The following LHX8 variants were observed in gnomAD, a reference collection of about 807,000 sequenced individuals.
LHX8 encodes LIM homeobox 8, also known as LIM/homeobox protein Lhx8.
LHX8 carries 12 observed loss-of-function variants against 40.3 expected under a neutral mutation model. The observed-to-expected ratio is 0.30, with a 90% CI of 0.19 to 0.48. The LOEUF is 0.48. LHX8 is among the 20% of genes least tolerant of loss of function. The probability of loss-of-function intolerance (pLI) is 0.99; values close to 1 mark genes in which losing one functional copy is unlikely to be tolerated. For synonymous variants in LHX8, 179 were observed against 162.0 expected (o/e 1.10, Z -0.80); for missense variants, 344 against 433.7 (o/e 0.79, Z 1.84).
At chr1:75,145,369 A>G (rs1648433619) in intron 6 of LHX8, among the ~76,000 whole-genome samples, 1 of 152,168 alleles carries the variant, frequency 6.6e-6, no homozygotes, top group Admixed American at 6.5e-5. Context: ...AATTTTAATA[A>G]TTACAAGGTT....
intron 6 of LHX8, among the ~76,000 whole-genome samples, chr1:75,146,474 A>G (rs937170296): frequency 6.6e-6 from 1 of 152,182 alleles, no homozygotes; most frequent in Non-Finnish European, 1.5e-5. Context: ...GATTATTAAT[A>G]TTAAACACGC....
chr1:75,155,118 C>T (rs1648719573), intron 7 of LHX8, among the ~76,000 whole-genome samples: 1 of 151,958 alleles, frequency 6.6e-6, no homozygotes, highest in African/African-American at 2.4e-5. Flanking sequence ...TCCCTGATCC[C>T]AAAATGTTCT....
chr1:75,168,522 T>C, the LHX8 span, among the ~76,000 whole-genome samples: 3 of 152,190 alleles, frequency 2.0e-5, no homozygotes, highest in Non-Finnish European at 4.4e-5. Context: ...CCACTGCACC[T>C]GGCCTGGTCA....
chr1:75,154,444 G>T (rs1349072929), intron 7 of LHX8, among the ~76,000 whole-genome samples: 3 of 150,210 alleles, frequency 2.0e-5, no homozygotes, highest in Admixed American at 2.0e-4. Flanking sequence ...AACTGCATAG[G>T]TTCCATTCAA....
chr1:75,148,275 A>G (rs1648516707), intron 6 of LHX8, among the ~76,000 whole-genome samples: 1 of 152,236 alleles, frequency 6.6e-6, no homozygotes, highest in Non-Finnish European at 1.5e-5. Context: ...AAAACAATAA[A>G]TGAAACTCTT....
the LHX8 span, among the ~76,000 whole-genome samples, chr1:75,168,073 G>A: frequency 6.6e-6 from 1 of 152,132 alleles, no homozygotes; most frequent in African/African-American, 2.4e-5. Flanking sequence ...CTCTCGAATG[G>A]CTCCTCCCAT....
chr1:75,182,608 G>T, the LHX8 span, among the ~76,000 whole-genome samples: 2 of 152,000 alleles, frequency 1.3e-5, no homozygotes. Flanking sequence ...CCCAACCTCA[G>T]GTAATCTGCC....
chr1:75,153,208 C>A (rs1226022353), intron 7 of LHX8, among the ~76,000 whole-genome samples: 1 of 151,988 alleles, frequency 6.6e-6, no homozygotes, highest in Non-Finnish European at 1.5e-5. Context: ...CGGACTCAAG[C>A]GATTCTCCTG....
chr1:75,175,642 T>C, the LHX8 span, among the ~76,000 whole-genome samples: 1 of 151,554 alleles, frequency 6.6e-6, no homozygotes, highest in Non-Finnish European at 1.5e-5. Context: ...AGCCCACTTT[T>C]TGATGGGATT....
chr1:75,151,692 G>A (rs765202655), intron 7 of LHX8, among the ~76,000 whole-genome samples: 4 of 152,124 alleles, frequency 2.6e-5, no homozygotes, highest in Admixed American at 6.6e-5. Context: ...CCGACTCCAC[G>A]GGCTAAAAGT....
upstream of LHX8, chr1:75,131,824 C>T (rs1011697751): frequency 2.6e-5 from 4 of 152,216 alleles, no homozygotes; most frequent in African/African-American, 9.7e-5. Context: ...CTGTCTTTCC[C>T]ATGGGCTTGC....
downstream of LHX8, among the ~76,000 whole-genome samples, chr1:75,162,650 A>G (rs960069673): frequency 5.0e-4 from 76 of 152,194 alleles, no homozygotes; most frequent in Admixed American, 7.9e-4. Flanking sequence ...ACTTCCTAAC[A>G]AAGAGGCTCA....
Position 75,148,687 on chromosome 1 carries a change from T to C in LHX8, c.780+5T>C. On this transcript the variant is annotated splice_donor_5th_base_variant and intron_variant, in intron 7 of 8. Coordinates refer to ENST00000356261, the MANE Select transcript of LHX8 (RefSeq NM_001256114.2). Reference sequence around the variant, plus strand: ...TTGAGCAGACGTGTGATACAGGTGATTACTTTACTTTTTTTTTTTTTTAAG... The same window carrying C: ...TTGAGCAGACGTGTGATACAGGTGACTACTTTACTTTTTTTTTTTTTTAAG... 1 of 1,580,824 alleles carries C rather than the reference T, an allele frequency of 6.3e-7. No individual in the cohort carries two copies. The highest frequency in any genetic ancestry group is 8.6e-7 in the Non-Finnish European group (1 of 1,163,948).
chr1:75,182,239 C>T, the LHX8 span, among the ~76,000 whole-genome samples: 1 of 152,132 alleles, frequency 6.6e-6, no homozygotes, highest in Non-Finnish European at 1.5e-5. Flanking sequence ...ATCCCAGCAC[C>T]ATTTGTTGAA....
chr1:75,130,405 C>G, upstream of LHX8: 1 of 517,880 alleles, frequency 1.9e-6, no homozygotes. Flanking sequence ...CGCATCAGAC[C>G]GCAGTGAGGA....
chr1:75,136,972 A>G, intron 2 of LHX8, 128 bp from the exon 3 acceptor site: 1 of 1,023,686 alleles, frequency 9.8e-7, no homozygotes, highest in South Asian at 1.8e-5. Context: ...CGTGACCTCA[A>G]GAAGCTGGGG....
At chr1:75,175,926 G>A in the LHX8 span, among the ~76,000 whole-genome samples, 2 of 152,022 alleles carry the variant, frequency 1.3e-5, no homozygotes, top group Non-Finnish European at 2.9e-5. Context: ...GCAGTGTTTG[G>A]CTTTCTGTCC....
intron 3 of LHX8, among the ~76,000 whole-genome samples, chr1:75,137,608 A>G (rs1204697973): frequency 6.6e-6 from 1 of 152,104 alleles, no homozygotes; most frequent in African/African-American, 2.4e-5. Context: ...GTTATTTTTC[A>G]CCCAGCCCCG....
intron 7 of LHX8, among the ~76,000 whole-genome samples, chr1:75,153,592 A>G (rs1216677890): frequency 7.3e-6 from 1 of 136,588 alleles, no homozygotes; most frequent in African/African-American, 2.8e-5. Context: ...TTGTATTTTT[A>G]GTAGAGATGG....
Sources: gnomAD v4.1 joint callset for allele counts (sites outside exome capture counted in the v4.1 genomes callset) on GRCh38, gnomAD v4.1.1 for gene constraint, MANE v1.5 for transcripts, NCBI Gene and HGNC (gene_info 2026-07-23, HGNC 2026-07-21) for gene names.